Variants in PSG8 observed in about 807,000 individuals in gnomAD.
PSG8 encodes pregnancy-specific beta-1-glycoprotein 8.
In PSG8, 57 loss-of-function variants were observed where a neutral mutation model predicts 42.5. That is an observed-to-expected ratio of 1.34 (90% CI 1.08 to 1.67). The LOEUF is 1.67. Among genes scored for constraint, PSG8 ranks in the 40% most tolerant of loss-of-function variants. The pLI, the probability that PSG8 is intolerant of heterozygous loss-of-function variation, is 0.00. For synonymous variants in PSG8, 280 were observed against 196.8 expected (o/e 1.42, Z -3.54); for missense variants, 783 against 518.6 (o/e 1.51, Z -4.95).
At chr19:42,752,930 C>T (rs1005257632), downstream of PSG8, 2 of 316,736 alleles carry the variant, frequency 6.3e-6, no homozygotes, top group East Asian at 6.1e-5. Flanking sequence ...CACATTTCCC[C>T]CTGAGATGTT....
At chr19:42,763,171 G>C (rs557968588) in intron 2 of PSG8, among the ~76,000 whole-genome samples, 1 of 152,126 alleles carries the variant, frequency 6.6e-6, no homozygotes, top group African/African-American at 2.4e-5. Context: ...GCCCCTTTGC[G>C]TCAGATCCCT....
intron 2 of PSG8, among the ~76,000 whole-genome samples, chr19:42,761,048 G>C (rs1970060521): frequency 6.7e-6 from 1 of 149,482 alleles, no homozygotes; most frequent in Admixed American, 6.6e-5. Flanking sequence ...ATGGAGTCAT[G>C]GGCGAAATGA....
At chr19:42,759,953 A>G (rs1432261703) in intron 2 of PSG8, among the ~76,000 whole-genome samples, 1 of 152,176 alleles carries the variant, frequency 6.6e-6, no homozygotes, top group Non-Finnish European at 1.5e-5. Flanking sequence ...AAAAGGACCG[A>G]ACTGGGTAGT....
At chr19:42,755,971 G>T (rs1233153599) in intron 3 of PSG8, 2 of 153,916 alleles carry the variant, frequency 1.3e-5, no homozygotes, top group Non-Finnish European at 1.4e-5. Flanking sequence ...AGAGCTGGTG[G>T]CTTTGGAGCA....
intron 2 of PSG8, among the ~76,000 whole-genome samples, chr19:42,762,016 G>T (rs1014222358): frequency 4.6e-5 from 7 of 151,852 alleles, no homozygotes; most frequent in Admixed American, 3.9e-4. Context: ...ACATTGGCTC[G>T]AGATGAAGCC....
At position 42,754,342 on chromosome 19, in the gene PSG8, T is replaced by C. The variant is rs752164628; in HGVS notation, c.1234A>G (p.Lys412Glu). The change falls in exon 5 of 5, where the codon AAA becomes GAA. Residue 412 changes from lysine to glutamate, a missense_variant. By Grantham distance (56) the Lys-to-Glu change is moderately conservative (BLOSUM62 1). Coordinates refer to ENST00000306511, the MANE Select transcript of PSG8 (RefSeq NM_182707.3). ...ACTGGGATCCGCTTACCAGAGACTT[T>C]TACTGTCATGGATTTGGAGCTTTCC... ...GKESSKSMTV[K>E]VSGKRIPVSL... 6.8e-6 allele frequency: 11 copies of C among 1,613,702 alleles called. No individual in the cohort carries two copies. Among genetic ancestry groups the C allele is most frequent in the African/African-American group, 6.7e-5 (5 of 74,894 alleles).
intron 3 of PSG8, chr19:42,755,694 C>A: frequency 4.2e-6 from 1 of 237,486 alleles, no homozygotes; most frequent in Non-Finnish European, 8.2e-6. Context: ...TTTCCAAGGA[C>A]ATTCTAGAGA....
At chr19:42,762,131 C>A (rs12608590) in intron 2 of PSG8, among the ~76,000 whole-genome samples, 1 of 137,826 alleles carries the variant, frequency 7.3e-6, no homozygotes, top group African/African-American at 2.8e-5. Flanking sequence ...CCAGCCTAGT[C>A]AGAGGGAGTG....
intron 2 of PSG8, among the ~76,000 whole-genome samples, chr19:42,762,323 G>A (rs544897282): frequency 6.6e-6 from 1 of 152,112 alleles, no homozygotes; most frequent in Non-Finnish European, 1.5e-5. Context: ...CAGCTCCACA[G>A]TCCAGGACCA....
downstream of PSG8, chr19:42,753,489 T>C (rs903749658): frequency 2.4e-5 from 17 of 695,914 alleles, no homozygotes; most frequent in African/African-American, 2.5e-4. Flanking sequence ...CATCTCTAGT[T>C]TTACCAATGA....
intron 2 of PSG8, among the ~76,000 whole-genome samples, chr19:42,760,137 A>G (rs1386133548): frequency 1.3e-5 from 2 of 152,210 alleles, no homozygotes; most frequent in Non-Finnish European, 2.9e-5. Context: ...TAAGCTCAGG[A>G]AACACCACTA....
At chr19:42,756,187 G>C (rs1315881654) in intron 3 of PSG8, 1 of 152,152 alleles carries the variant, frequency 6.6e-6, no homozygotes, top group Non-Finnish European at 1.5e-5. Context: ...GAGAAGTTTT[G>C]GGAATATTTT....
At chr19:42,763,259 C>T (rs1411541395) in intron 2 of PSG8, among the ~76,000 whole-genome samples, 1 of 152,130 alleles carries the variant, frequency 6.6e-6, no homozygotes, top group Non-Finnish European at 1.5e-5. Context: ...ATGGACTGGC[C>T]TAAGCCTCCT....
At chr19:42,752,891 G>C (rs999746466), downstream of PSG8, 1 of 254,108 alleles carries the variant, frequency 3.9e-6, no homozygotes, top group African/African-American at 2.2e-5. Context: ...CATTTCTATT[G>C]GGAGTCCTGT....
chr19:42,757,041 A>C (rs1270293378), intron 3 of PSG8, among the ~76,000 whole-genome samples: 3 of 152,072 alleles, frequency 2.0e-5, no homozygotes, highest in Non-Finnish European at 4.4e-5. Context: ...TTCAGGGTAT[A>C]ATCATTTGAC....
At chr19:42,757,238 T>G (rs1392176332) in intron 3 of PSG8, among the ~76,000 whole-genome samples, 1 of 151,900 alleles carries the variant, frequency 6.6e-6, no homozygotes, top group Non-Finnish European at 1.5e-5. Flanking sequence ...TGTCCTGGGT[T>G]TTTGATTTTC....
At chr19:42,758,532 A>T (rs1421646976) in intron 2 of PSG8, 7 of 799,044 alleles carry the variant, frequency 8.8e-6, no homozygotes, top group Non-Finnish European at 1.3e-5. Context: ...ATGGAAAGAC[A>T]CAGGACCAGC....
Position 42,758,174 on chromosome 19 carries a change from C to T in PSG8, c.537G>A (p.Leu179=), listed in dbSNP as rs779703066. Residue 179 remains leucine (L), a synonymous_variant, in exon 3 of 5, where the codon CTG becomes CTA. Transcript: ENST00000306511. ...GGAGGCTCTGACCATTCATCCACCA[C>T]AGGTAGCTTGCGTCCGGAGTCTCAG... is the stretch of plus-strand genomic sequence containing the variant. ...CDPETPDASY[L]WWMNGQSLPM... 11 of 1,613,926 alleles carry T rather than the reference C, an allele frequency of 6.8e-6. No individual in the cohort carries two copies. Among genetic ancestry groups the T allele is most frequent in the Middle Eastern group, 1.6e-4 (1 of 6,076 alleles).
rs58868359 is a variant in PSG8, at chr19:42,761,820, A to ATTTTTTTTTTTTTTTTTTTTTTTTTTT, written c.430+2069_430+2095dup. On this transcript the variant is annotated intron_variant, in intron 2 of 4. Transcript: ENST00000306511. ...TTGACTAGAAACCAACATTTCAATAATTTTTTTTTTTTTTTTTTTTTTTTT... is the reference window on the plus strand; with the variant it reads ...TTGACTAGAAACCAACATTTCAATAATTTTTTTTTTTTTTTTTTTTTTTTTTTTTTTTTTTTTTTTTTTTTTTTTTTT... Among the ~76,000 whole-genome samples the ATTTTTTTTTTTTTTTTTTTTTTTTTTT allele has an allele frequency of 9.9e-5, 7 of 70,396 alleles. 1 individual carries two copies. Among genetic ancestry groups the ATTTTTTTTTTTTTTTTTTTTTTTTTTT allele is most frequent in the Non-Finnish European group, 1.8e-4 (7 of 39,042 alleles). 46.2% of individuals were successfully genotyped at this position (70,396 alleles called of 152,430 possible). A position where few individuals can be genotyped will look rare whatever the true frequency, so the allele number is the denominator to read the frequency against.
Sources: allele counts gnomAD v4.1 joint callset (sites outside exome capture counted in the v4.1 genomes callset), GRCh38; gene constraint gnomAD v4.1.1; transcripts MANE v1.5; gene names NCBI Gene and HGNC (gene_info 2026-07-23, HGNC 2026-07-21).